The following LRFN5 variants were observed in gnomAD, a reference collection of about 807,000 sequenced individuals.
LRFN5 encodes the protein leucine rich repeat and fibronectin type III domain containing 5, also known as leucine-rich repeat and fibronectin type-III domain-containing protein 5.
Under a neutral mutation model 45.6 loss-of-function variants are expected in LRFN5, and 24 were observed. The observed-to-expected ratio is 0.53, with a 90% CI of 0.38 to 0.74. The LOEUF (loss-of-function observed/expected upper bound fraction) is 0.74. Among genes scored for constraint, LRFN5 ranks in the 30% least tolerant of loss-of-function variants. LRFN5 has a pLI of 0.00. For synonymous variants in LRFN5, 340 were observed against 313.8 expected (o/e 1.08, Z -0.88); for missense variants, 776 against 861.5 (o/e 0.90, Z 1.24).
chr14:41,712,285 G>C (rs964509350), intron 1 of LRFN5, among the ~76,000 whole-genome samples: 1 of 128,124 alleles, frequency 7.8e-6, no homozygotes, highest in Non-Finnish European at 1.6e-5. Context: ...TTTTGGGCCA[G>C]GCGCAGTGGC....
At chr14:41,804,808 T>A (rs947440211) in intron 2 of LRFN5, among the ~76,000 whole-genome samples, 7 of 152,230 alleles carry the variant, frequency 4.6e-5, no homozygotes, top group Non-Finnish European at 7.3e-5. Flanking sequence ...AATTGATTTA[T>A]TCTCTTATTT....
chr14:41,789,530 G>A (rs1260414451), intron 2 of LRFN5, among the ~76,000 whole-genome samples: 1 of 151,900 alleles, frequency 6.6e-6, no homozygotes, highest in Non-Finnish European at 1.5e-5. Flanking sequence ...GCCCTTTGGA[G>A]TAGCCTATTT....
intron 1 of LRFN5, among the ~76,000 whole-genome samples, chr14:41,703,898 C>T (rs1197833265): frequency 6.6e-6 from 1 of 151,948 alleles, no homozygotes; most frequent in Non-Finnish European, 1.5e-5. Context: ...GGACTTAATA[C>T]TCATATTTAA....
intron 1 of LRFN5, among the ~76,000 whole-genome samples, chr14:41,717,183 C>A (rs1883527877): frequency 1.3e-5 from 2 of 152,060 alleles, no homozygotes; most frequent in African/African-American, 2.4e-5. Flanking sequence ...AAGATTCTAC[C>A]CAGAAGTTAT....
At chr14:41,667,423 TATCTA>T (rs1880952629) in intron 1 of LRFN5, among the ~76,000 whole-genome samples, 1 of 152,200 alleles carries the variant, frequency 6.6e-6, no homozygotes, top group Non-Finnish European at 1.5e-5. Flanking sequence ...ATGTTTGCTA[TATCTA>T]GCACTTGAAA....
chr14:41,663,871 G>GT (rs888586561), intron 1 of LRFN5, among the ~76,000 whole-genome samples: 3 of 151,878 alleles, frequency 2.0e-5, no homozygotes, highest in Non-Finnish European at 4.4e-5. Flanking sequence ...GAAATAAATA[G>GT]TTTTTTTAAA....
At chr14:41,758,111 A>G (rs1202361416) in intron 1 of LRFN5, among the ~76,000 whole-genome samples, 1 of 152,000 alleles carries the variant, frequency 6.6e-6, no homozygotes, top group Non-Finnish European at 1.5e-5. Context: ...TCTCTTTCTC[A>G]AGCTAAAATT....
chr14:41,895,908 A>G (rs1239036993), intron 4 of LRFN5, among the ~76,000 whole-genome samples: 1 of 152,144 alleles, frequency 6.6e-6, no homozygotes, highest in Non-Finnish European at 1.5e-5. Context: ...CAAATTTATA[A>G]ACAATTAAAA....
At chr14:41,808,563 A>G (rs202080047) in intron 2 of LRFN5, among the ~76,000 whole-genome samples, 1 of 107,054 alleles carries the variant, frequency 9.3e-6, no homozygotes, top group African/African-American at 3.7e-5. Flanking sequence ...GGAAGGAAGG[A>G]AGGAAGGAAG....
intron 1 of LRFN5, among the ~76,000 whole-genome samples, chr14:41,649,337 ATAAT>A (rs1052978638): frequency 2.0e-5 from 3 of 151,988 alleles, no homozygotes; most frequent in Non-Finnish European, 4.4e-5. Flanking sequence ...AAATTGTTTA[ATAAT>A]TAATATTGTC....
intron 2 of LRFN5, among the ~76,000 whole-genome samples, chr14:41,844,222 G>C (rs1888969890): frequency 6.6e-6 from 1 of 152,264 alleles, no homozygotes; most frequent in Admixed American, 6.5e-5. Context: ...CGGATCACGA[G>C]GTCAGGAGAT....
At chr14:41,669,775 A>G (rs1881078118) in intron 1 of LRFN5, among the ~76,000 whole-genome samples, 1 of 151,982 alleles carries the variant, frequency 6.6e-6, no homozygotes, top group African/African-American at 2.4e-5. Context: ...ACTTAACATT[A>G]TTTTAATATC....
chr14:41,791,159 C>T (rs1301058602), intron 2 of LRFN5, among the ~76,000 whole-genome samples: 1 of 151,508 alleles, frequency 6.6e-6, no homozygotes, highest in Non-Finnish European at 1.5e-5. Flanking sequence ...TTCCTTAATA[C>T]CAATTTGATT....
At position 41,748,879 on chromosome 14, in the gene LRFN5, G is replaced by C. The variant is rs1436171015; in HGVS notation, c.-196-17975G>C. Among the ~76,000 whole-genome samples the C allele has an allele frequency of 2.6e-5, 4 of 151,414 alleles. No homozygotes were observed. The East Asian group carries it at 5.8e-4, about 22-fold the overall frequency. ...TACTCTATTTTCTGCTGCTATAACAGAATACCACAGACAGGATATTTTATA... is the reference window on the plus strand; with the variant it reads ...TACTCTATTTTCTGCTGCTATAACACAATACCACAGACAGGATATTTTATA... On this transcript the variant is annotated intron_variant, in intron 1 of 5. Transcript: ENST00000298119.
At chr14:41,730,936 A>T (rs1242932959) in intron 1 of LRFN5, among the ~76,000 whole-genome samples, 2 of 152,024 alleles carry the variant, frequency 1.3e-5, no homozygotes, top group African/African-American at 2.4e-5. Context: ...TCATCTGCTC[A>T]TTTGGTGGGT....
At chr14:41,769,380 A>G (rs771787418) in intron 2 of LRFN5, among the ~76,000 whole-genome samples, 1 of 152,186 alleles carries the variant, frequency 6.6e-6, no homozygotes, top group Non-Finnish European at 1.5e-5. Context: ...CTGTTTCTCT[A>G]TTCGTTCTCA....
At chr14:41,773,214 A>T (rs1027719931) in intron 2 of LRFN5, among the ~76,000 whole-genome samples, 15 of 152,124 alleles carry the variant, frequency 9.9e-5, no homozygotes, top group Non-Finnish European at 1.3e-4. Flanking sequence ...GTTCTTGTTC[A>T]TATAATGTCA....
At position 41,766,907 on chromosome 14, in the gene LRFN5, C is replaced by G. The variant is rs2138882243; in HGVS notation, c.-143C>G. On this transcript the variant is annotated 5_prime_UTR_variant, in exon 2 of 6. Coordinates refer to ENST00000298119, the MANE Select transcript of LRFN5 (RefSeq NM_152447.5). ...GAGAAGATATGTAGCAGCCGAGCAC[C>G]CATCTTTTGACACCGTCCTCTGAAA... 1 of 152,694 alleles carries G rather than the reference C, an allele frequency of 6.5e-6. No homozygotes were observed. Among genetic ancestry groups the G allele is most frequent in the African/African-American group, 2.4e-5 (1 of 41,534 alleles). The allele number at this position is 152,694 out of a possible 1,614,324, so 9.5% of individuals were successfully genotyped here.
intron 1 of LRFN5, among the ~76,000 whole-genome samples, chr14:41,761,169 C>T (rs944428373): frequency 9.2e-5 from 14 of 151,896 alleles, no homozygotes; most frequent in Non-Finnish European, 1.2e-4. Flanking sequence ...TTCACAGTGA[C>T]ACCCTGATGT....
Sources: gnomAD v4.1 joint callset for allele counts (sites outside exome capture counted in the v4.1 genomes callset) on GRCh38, gnomAD v4.1.1 for gene constraint, MANE v1.5 for transcripts, NCBI Gene and HGNC (gene_info 2026-07-23, HGNC 2026-07-21) for gene names.